DNAAF9: variants seen among roughly 807,000 people sequenced by gnomAD.
DNAAF9 encodes the protein shulin.
In DNAAF9, 90 loss-of-function variants were observed where a neutral mutation model predicts 167.0. The observed-to-expected ratio is 0.54, with a 90% CI of 0.45 to 0.64. The LOEUF is 0.64. DNAAF9 is among the 30% of genes least tolerant of loss of function. The probability of loss-of-function intolerance (pLI) is 0.00; values close to 1 mark genes in which losing one functional copy is unlikely to be tolerated. For synonymous variants in DNAAF9, 491 were observed against 508.8 expected (o/e 0.96, Z 0.47); for missense variants, 1,315 against 1,442.2 (o/e 0.91, Z 1.43).
intron 20 of DNAAF9, among the ~76,000 whole-genome samples, chr20:3,311,801 G>T (rs1047486599): frequency 6.6e-6 from 1 of 152,116 alleles, no homozygotes; most frequent in African/African-American, 2.4e-5. Context: ...TGAGGATTAG[G>T]TACTGGGCAG....
At chr20:3,322,195 G>C in intron 16 of DNAAF9, 22 bp downstream of exon 16, 6 of 1,594,228 alleles carry the variant, frequency 3.8e-6, no homozygotes, top group Non-Finnish European at 5.2e-6. Flanking sequence ...CCAGCCAGCT[G>C]ACCCATGATA....
At chr20:3,299,567 C>A (rs2069146613) in intron 21 of DNAAF9, among the ~76,000 whole-genome samples, 1 of 152,246 alleles carries the variant, frequency 6.6e-6, no homozygotes, top group South Asian at 2.1e-4. Context: ...CCTCCTTGGC[C>A]TCCCAAAGTG....
At chr20:3,273,428 G>A (rs950124688) in intron 29 of DNAAF9, among the ~76,000 whole-genome samples, 5 of 152,176 alleles carry the variant, frequency 3.3e-5, no homozygotes, top group Non-Finnish European at 7.3e-5. Flanking sequence ...TTGGCTAAAG[G>A]TTCTGCAGGC....
intron 10 of DNAAF9, among the ~76,000 whole-genome samples, chr20:3,333,196 T>C (rs1469076074): frequency 1.3e-5 from 2 of 152,178 alleles, no homozygotes; most frequent in African/African-American, 4.8e-5. Context: ...ACATAGACCC[T>C]GCGGAAGAGA....
intron 8 of DNAAF9, 70 bp downstream of exon 8, chr20:3,348,455 T>A (rs773771822): frequency 1.8e-4 from 155 of 854,598 alleles, no homozygotes; most frequent in Middle Eastern, 2.8e-4. Flanking sequence ...TGAAAAAAAT[T>A]TAATAAAAAA....
At chr20:3,375,427 G>C (rs913855151) in intron 4 of DNAAF9, among the ~76,000 whole-genome samples, 1 of 152,170 alleles carries the variant, frequency 6.6e-6, no homozygotes, top group African/African-American at 2.4e-5. Context: ...TTCTTGACCA[G>C]TATCAGGTCA....
At position 3,286,958 on chromosome 20, in the gene DNAAF9, T is replaced by A. The variant is rs891866455; in HGVS notation, c.2486+674A>T. Among the ~76,000 whole-genome samples, 3 of 152,132 alleles carry A rather than the reference T, an allele frequency of 2.0e-5. No homozygotes were observed. In the South Asian group the frequency reaches 6.2e-4, roughly 32 times the overall value. ...CCTCTGAGCCTGGAGTGGTGATGGG[T>A]CTGTGAGGGGCTCCTCCCTGAAAGG... On this transcript the variant is annotated intron_variant, in intron 27 of 36. Coordinates refer to ENST00000252032, the MANE Select transcript of DNAAF9 (RefSeq NM_001009984.3).
intron 31 of DNAAF9, among the ~76,000 whole-genome samples, chr20:3,262,778 C>T (rs1201615073): frequency 6.6e-6 from 1 of 152,082 alleles, no homozygotes; most frequent in African/African-American, 2.4e-5. Flanking sequence ...CCAGAAGCTC[C>T]ATTTGTTTAT....
chr20:3,351,621 A>G (rs529332102), intron 7 of DNAAF9, among the ~76,000 whole-genome samples: 1 of 152,336 alleles, frequency 6.6e-6, no homozygotes, highest in East Asian at 1.9e-4. Flanking sequence ...ACACACATGC[A>G]TACAGGGCAG....
At chr20:3,311,418 A>T (rs933592710) in intron 20 of DNAAF9, among the ~76,000 whole-genome samples, 6 of 152,124 alleles carry the variant, frequency 3.9e-5, no homozygotes, top group African/African-American at 1.4e-4. Flanking sequence ...TGGCTAATTT[A>T]AAAAATTCTT....
intron 7 of DNAAF9, among the ~76,000 whole-genome samples, chr20:3,352,319 C>T (rs1358555712): frequency 6.6e-6 from 1 of 152,166 alleles, no homozygotes; most frequent in Non-Finnish European, 1.5e-5. Context: ...GTTTCTGACT[C>T]CCTGCTATCA....
intron 9 of DNAAF9, among the ~76,000 whole-genome samples, chr20:3,343,440 C>A (rs1270917460): frequency 1.3e-5 from 2 of 152,182 alleles, no homozygotes; most frequent in African/African-American, 4.8e-5. Context: ...AGCCACCGCA[C>A]CTGGCTGACA....
intron 31 of DNAAF9, among the ~76,000 whole-genome samples, chr20:3,261,510 G>C (rs1273631317): frequency 5.3e-5 from 8 of 151,486 alleles, no homozygotes; most frequent in African/African-American, 1.9e-4. Flanking sequence ...TGGGATTACA[G>C]GTGCCCACCA....
At chr20:3,309,905 G>A (rs554922649) in intron 20 of DNAAF9, among the ~76,000 whole-genome samples, 1 of 152,066 alleles carries the variant, frequency 6.6e-6, no homozygotes, top group African/African-American at 2.4e-5. Flanking sequence ...AATCTATAAA[G>A]AATTCCTGGC....
intron 35 of DNAAF9, among the ~76,000 whole-genome samples, chr20:3,254,736 G>A (rs940127030): frequency 1.3e-5 from 2 of 152,158 alleles, no homozygotes; most frequent in Non-Finnish European, 2.9e-5. Flanking sequence ...CTCAGGAAAA[G>A]GCCCCAGTGA....
chr20:3,311,137 A>G (rs946161615), intron 20 of DNAAF9, among the ~76,000 whole-genome samples: 1 of 152,100 alleles, frequency 6.6e-6, no homozygotes, highest in African/African-American at 2.4e-5. Context: ...AAAAAAGCCT[A>G]TATTTACTTA....
intron 8 of DNAAF9, among the ~76,000 whole-genome samples, chr20:3,344,358 A>C (rs2070149070): frequency 6.6e-6 from 1 of 152,162 alleles, no homozygotes; most frequent in South Asian, 2.1e-4. Flanking sequence ...AATCCCGCTA[A>C]ATAATATTTA....
At chr20:3,397,318 G>GTT (rs1555800876) in intron 1 of DNAAF9, among the ~76,000 whole-genome samples, 3 of 142,094 alleles carry the variant, frequency 2.1e-5, no homozygotes, top group African/African-American at 2.7e-5. Context: ...TTTTTGTTTT[G>GTT]TTTTGTTTTT....
At chr20:3,261,794 C>G (rs530431382) in intron 31 of DNAAF9, among the ~76,000 whole-genome samples, 1 of 151,680 alleles carries the variant, frequency 6.6e-6, no homozygotes, top group African/African-American at 2.4e-5. Context: ...GTCTTCTCCC[C>G]ATCCAAACAA....
Sources: gnomAD v4.1 joint callset for allele counts (sites outside exome capture counted in the v4.1 genomes callset) on GRCh38, gnomAD v4.1.1 for gene constraint, MANE v1.5 for transcripts, NCBI Gene and HGNC (gene_info 2026-07-23, HGNC 2026-07-21) for gene names.